Variants in FHOD3 observed in about 807,000 individuals in gnomAD.
The protein encoded by FHOD3 is FH1/FH2 domain-containing protein 3.
FHOD3 carries 90 observed loss-of-function variants against 173.0 expected under a neutral mutation model. The observed-to-expected ratio is 0.52, with a 90% CI of 0.44 to 0.62. The LOEUF is 0.62. Ranked by LOEUF, FHOD3 falls within the 20% of genes least tolerant of loss-of-function variation. The pLI is 0.00. For missense variants in FHOD3, 1,945 were observed against 2,034.7 expected (o/e 0.96, Z 0.85); for synonymous variants, 828 against 823.0 (o/e 1.01, Z -0.10).
intron 3 of FHOD3, among the ~76,000 whole-genome samples, chr18:36,380,595 T>TTCCTTTCCTTTCCTTTCCTG (rs2047723561): frequency 7.1e-6 from 1 of 139,888 alleles, no homozygotes; most frequent in Non-Finnish European, 1.5e-5. Flanking sequence ...TTCCTTTCCT[T>TTCCTTTCCTTTCCTTTCCTG]TCCTTTCCTT....
intron 7 of FHOD3, among the ~76,000 whole-genome samples, chr18:36,595,494 C>T (rs925659625): frequency 6.6e-6 from 1 of 151,948 alleles, no homozygotes; most frequent in East Asian, 1.9e-4. Flanking sequence ...TCTCCCACCT[C>T]GGCTGTACCC....
intron 3 of FHOD3, among the ~76,000 whole-genome samples, chr18:36,475,619 G>A (rs2053522348): frequency 6.6e-6 from 1 of 152,058 alleles, no homozygotes; most frequent in Non-Finnish European, 1.5e-5. Context: ...ATTAGGTACA[G>A]AAACTGTTAC....
intron 10 of FHOD3, among the ~76,000 whole-genome samples, chr18:36,645,501 G>A (rs2035618297): frequency 6.6e-6 from 1 of 152,036 alleles, no homozygotes; most frequent in Non-Finnish European, 1.5e-5. Context: ...CTATCTCACT[G>A]CTCTCCTTGT....
chr18:36,780,181 C>G lies in FHOD3; in HGVS notation c.*651C>G. 8.1e-7 allele frequency: 1 copy of G among 1,231,808 alleles called. No homozygotes were observed. The highest frequency in any genetic ancestry group is 1.0e-6 in the Non-Finnish European group (1 of 988,028). The allele number at this position is 1,231,808 out of a possible 1,614,324, so 76.3% of individuals were successfully genotyped here. On this transcript the variant is annotated 3_prime_UTR_variant, in exon 29 of 29. Coordinates refer to ENST00000590592, the MANE Select transcript of FHOD3 (RefSeq NM_001281740.3). ...CCCTCGCTTGGAACGGCCTTCAGAT[C>G]CTTTGGGCTGTATTTTGTTAATAGA...
chr18:36,721,910 CAA>C (rs538698389), intron 19 of FHOD3, among the ~76,000 whole-genome samples: 139 of 152,074 alleles, frequency 9.1e-4, no homozygotes, highest in Non-Finnish European at 1.4e-3. Context: ...TAGGTTTCAT[CAA>C]AAAAAGTAAC....
chr18:36,687,722 A>ATAT (rs2038715812), intron 16 of FHOD3, among the ~76,000 whole-genome samples: 2 of 152,226 alleles, frequency 1.3e-5, no homozygotes, highest in Admixed American at 6.5e-5. Flanking sequence ...GTTGGGACTT[A>ATAT]GGAATAATAT....
chr18:36,402,211 C>T (rs1440087250), intron 3 of FHOD3, among the ~76,000 whole-genome samples: 2 of 152,030 alleles, frequency 1.3e-5, no homozygotes, highest in Non-Finnish European at 2.9e-5. Flanking sequence ...AGTGATGAAG[C>T]TCCAGGAGTG....
intron 3 of FHOD3, among the ~76,000 whole-genome samples, chr18:36,485,219 CTGA>C (rs762378969): frequency 2.6e-5 from 4 of 152,194 alleles, no homozygotes; most frequent in Non-Finnish European, 5.9e-5. Flanking sequence ...CATTCTCTGC[CTGA>C]AATAGTTCCA....
intron 3 of FHOD3, among the ~76,000 whole-genome samples, chr18:36,413,444 G>C (rs555187609): frequency 1.8e-4 from 28 of 152,232 alleles, no homozygotes; most frequent in African/African-American, 6.0e-4. Flanking sequence ...TTCTTTTTTG[G>C]GCTGTGAGCT....
chr18:36,530,293 C>T (rs1332493813), intron 5 of FHOD3, among the ~76,000 whole-genome samples: 2 of 152,210 alleles, frequency 1.3e-5, no homozygotes, highest in East Asian at 3.9e-4. Flanking sequence ...ATAGCACCTT[C>T]TCCCCACCTG....
chr18:36,370,306 T>C (rs1368626019), intron 2 of FHOD3, among the ~76,000 whole-genome samples: 4 of 152,000 alleles, frequency 2.6e-5, no homozygotes, highest in African/African-American at 7.3e-5. Context: ...TGTAAGTGAT[T>C]AAACTTCTAA....
chr18:36,522,716 G>A (rs1205316565), intron 5 of FHOD3, among the ~76,000 whole-genome samples: 2 of 152,152 alleles, frequency 1.3e-5, no homozygotes, highest in Admixed American at 1.3e-4. Flanking sequence ...TTGAATGAAT[G>A]CCTGGGAGAG....
At chr18:36,658,572 A>G (rs1196135554) in intron 14 of FHOD3, among the ~76,000 whole-genome samples, 1 of 152,206 alleles carries the variant, frequency 6.6e-6, no homozygotes. Context: ...TAAATCAGAA[A>G]GTAGTGGGCC....
chr18:36,546,788 G>A lies in FHOD3; in HGVS notation c.512-29663G>A, dbSNP rs573141674. 6.6e-5 allele frequency among the ~76,000 whole-genome samples: 10 copies of A among 152,312 alleles called. No homozygotes were observed. In the East Asian group the frequency reaches 1.9e-3, roughly 29 times the overall value. The stretch of plus-strand genomic sequence containing the variant: ...CAGAGCTGTGAGGGGACACAGCGTA[G>A]GCAGCGTGTGGAGTTTAGCAGGAAT... On this transcript the variant is annotated intron_variant, in intron 5 of 28. Coordinates refer to ENST00000590592, the MANE Select transcript of FHOD3 (RefSeq NM_001281740.3).
At chr18:36,749,400 G>C (rs2042303459) in intron 24 of FHOD3, among the ~76,000 whole-genome samples, 1 of 152,044 alleles carries the variant, frequency 6.6e-6, no homozygotes, top group African/African-American at 2.4e-5. Context: ...TCATCATTTA[G>C]CTCCCATTTA....
At chr18:36,319,487 C>T (rs990080028) in intron 1 of FHOD3, among the ~76,000 whole-genome samples, 2 of 152,132 alleles carry the variant, frequency 1.3e-5, no homozygotes, top group Non-Finnish European at 2.9e-5. Flanking sequence ...ATTCATAAAG[C>T]AAGTTCTTAG....
At chr18:36,435,994 T>C (rs1011542766) in intron 3 of FHOD3, among the ~76,000 whole-genome samples, 5 of 152,184 alleles carry the variant, frequency 3.3e-5, no homozygotes, top group Admixed American at 2.0e-4. Context: ...AGTGCACTCC[T>C]TCCTTCACTG....
At chr18:36,346,042 A>G (rs112219221) in intron 1 of FHOD3, among the ~76,000 whole-genome samples, 29 of 152,218 alleles carry the variant, frequency 1.9e-4, no homozygotes, top group African/African-American at 7.0e-4. Context: ...TTTATTCACC[A>G]CCATTTTTAG....
rs374236962 is a variant in FHOD3, at chr18:36,335,277, C to T, written c.166-20262C>T. On this transcript the variant is annotated intron_variant, in intron 1 of 28. Transcript: ENST00000590592. The stretch of plus-strand genomic sequence containing the variant: ...TTGGGAGGCCGAGGCGGGCGGATCA[C>T]GAGGTCAGGAGATCGAGACCATCCT... Among the ~76,000 whole-genome samples the T allele has an allele frequency of 2.4e-3, 364 of 152,022 alleles. 2 individuals carry two copies. Among genetic ancestry groups the T allele is most frequent in the African/African-American group, 8.2e-3 (342 of 41,508 alleles).
Sources: allele counts gnomAD v4.1 joint callset (sites outside exome capture counted in the v4.1 genomes callset), GRCh38; gene constraint gnomAD v4.1.1; transcripts MANE v1.5; gene names NCBI Gene and HGNC (gene_info 2026-07-23, HGNC 2026-07-21).